The following VTI1A variants were observed in gnomAD, a reference collection of about 807,000 sequenced individuals.
The protein encoded by VTI1A is vesicle transport through interaction with t-SNAREs homolog 1A.
A neutral mutation model predicts 34.9 loss-of-function variants in VTI1A; 22 were observed. The observed-to-expected ratio is 0.63, with a 90% CI of 0.45 to 0.90. The LOEUF is 0.90. Among genes scored for constraint, VTI1A ranks in the 40% least tolerant of loss-of-function variants. The pLI is 0.00. For missense variants in VTI1A, 268 were observed against 275.6 expected (o/e 0.97, Z 0.20); for synonymous variants, 87 against 97.3 (o/e 0.89, Z 0.62).
intron 5 of VTI1A, among the ~76,000 whole-genome samples, chr10:112,546,745 T>C (rs1851146335): frequency 6.6e-6 from 1 of 152,060 alleles, no homozygotes; most frequent in Admixed American, 6.5e-5. Context: ...AATGCAAAAA[T>C]AGACTCTCTG....
rs555356843 is a variant in VTI1A at position 112,647,381 on chromosome 10, G to T, written c.428-20837G>T. Among the ~76,000 whole-genome samples, 3 of 152,118 alleles carry T rather than the reference G, an allele frequency of 2.0e-5. No individual in the cohort carries two copies. The South Asian group carries it at 6.2e-4, about 31-fold the overall frequency. On this transcript the variant is annotated intron_variant, in intron 5 of 7. Coordinates refer to ENST00000393077, the MANE Select transcript of VTI1A (RefSeq NM_145206.4). ...AATCCATAGATATAATCAGAGTCAG[G>T]CTCTGCTTATAAAATCATCAACACA...
At chr10:112,561,177 C>G (rs935427898) in intron 5 of VTI1A, among the ~76,000 whole-genome samples, 3 of 152,188 alleles carry the variant, frequency 2.0e-5, no homozygotes, top group Non-Finnish European at 4.4e-5. Context: ...AGTGTATACT[C>G]ATTAATAAGC....
At chr10:112,502,851 C>A (rs548129050) in intron 3 of VTI1A, among the ~76,000 whole-genome samples, 1 of 152,144 alleles carries the variant, frequency 6.6e-6, no homozygotes. Context: ...TTTCTTTTAT[C>A]ATAATTAACT....
intron 3 of VTI1A, among the ~76,000 whole-genome samples, chr10:112,519,980 G>T (rs1396317089): frequency 6.6e-6 from 1 of 151,956 alleles, no homozygotes; most frequent in East Asian, 1.9e-4. Context: ...ATACTTTGTT[G>T]CAGTAGTTTA....
At chr10:112,561,974 C>T (rs1851738614) in intron 5 of VTI1A, among the ~76,000 whole-genome samples, 1 of 152,146 alleles carries the variant, frequency 6.6e-6, no homozygotes, top group African/African-American at 2.4e-5. Context: ...CAGAATTTAC[C>T]AATTCCACCT....
At chr10:112,679,180 GT>G (rs1848131070) in intron 7 of VTI1A, among the ~76,000 whole-genome samples, 1 of 152,058 alleles carries the variant, frequency 6.6e-6, no homozygotes, top group Non-Finnish European at 1.5e-5. Flanking sequence ...AAGCAGTTTT[GT>G]CTGTTGTAAA....
chr10:112,464,758 A>G (rs1181927082), intron 3 of VTI1A, 101 bp downstream of exon 3: 3 of 967,346 alleles, frequency 3.1e-6, no homozygotes, highest in Admixed American at 4.4e-5. Context: ...GGGCTCATGT[A>G]GAAGACAAGT....
At chr10:112,654,676 G>A (rs1187269864) in intron 5 of VTI1A, among the ~76,000 whole-genome samples, 3 of 151,998 alleles carry the variant, frequency 2.0e-5, no homozygotes, top group Non-Finnish European at 2.9e-5. Flanking sequence ...TGTATTTTTA[G>A]TAGAGACGGG....
At chr10:112,824,741 T>G in the VTI1A span, 1 of 152,284 alleles carries the variant, frequency 6.6e-6, no homozygotes, top group Admixed American at 6.5e-5. Flanking sequence ...GCCAGTGGCC[T>G]GATGTGTGGC....
intron 5 of VTI1A, among the ~76,000 whole-genome samples, chr10:112,587,939 T>C (rs558421032): frequency 1.3e-5 from 2 of 152,178 alleles, no homozygotes; most frequent in South Asian, 4.1e-4. Context: ...CCTTAACTTA[T>C]GCTTTGTTGG....
intron 3 of VTI1A, among the ~76,000 whole-genome samples, chr10:112,496,485 C>T (rs537657480): frequency 1.3e-5 from 2 of 152,078 alleles, no homozygotes; most frequent in Non-Finnish European, 2.9e-5. Context: ...ACAGGAGAAT[C>T]GCTTGAACCT....
chr10:112,462,745 C>T (rs141167593), intron 2 of VTI1A, among the ~76,000 whole-genome samples: 121 of 152,192 alleles, frequency 8.0e-4, no homozygotes, highest in Admixed American at 2.0e-3. Context: ...GTTATTCAGT[C>T]GCTAACACTG....
intron 4 of VTI1A, among the ~76,000 whole-genome samples, chr10:112,531,099 A>G (rs1278840698): frequency 6.9e-6 from 1 of 145,156 alleles, no homozygotes; most frequent in African/African-American, 2.7e-5. Context: ...ACACACACAC[A>G]CACACGTGCG....
intron 7 of VTI1A, among the ~76,000 whole-genome samples, chr10:112,806,194 C>T (rs546667491): frequency 6.6e-6 from 1 of 152,172 alleles, no homozygotes; most frequent in Non-Finnish European, 1.5e-5. Context: ...ACTGACTACA[C>T]CTAAATTGAT....
chr10:112,794,578 T>C (rs557775195), intron 7 of VTI1A, among the ~76,000 whole-genome samples: 130 of 151,998 alleles, frequency 8.6e-4, no homozygotes, highest in African/African-American at 2.8e-3. Context: ...AATAAAATAA[T>C]AAATAAAAAA....
intron 5 of VTI1A, among the ~76,000 whole-genome samples, chr10:112,644,115 A>G (rs576373034): frequency 1.1e-4 from 17 of 152,344 alleles, no homozygotes; most frequent in Admixed American, 5.9e-4. Flanking sequence ...CCCTCTCTGC[A>G]AAGTGCACCT....
rs57890344 is a variant in VTI1A, at chr10:112,761,036, A to G, written c.561-54254A>G. ...CTTTATTTTAGTGATAATTGAACCA[A>G]TTATATACGTGAGCATTTAACTTTT... On this transcript the variant is annotated intron_variant, in intron 7 of 7. Transcript: ENST00000393077. 4.2e-3 allele frequency among the ~76,000 whole-genome samples: 638 copies of G among 152,330 alleles called. 4 individuals are homozygous for G. The highest frequency in any genetic ancestry group is 0.015 in the African/African-American group (608 of 41,570).
At chr10:112,793,662 A>T (rs1276918507) in intron 7 of VTI1A, among the ~76,000 whole-genome samples, 1 of 152,190 alleles carries the variant, frequency 6.6e-6, no homozygotes, top group Non-Finnish European at 1.5e-5. Context: ...ACTTAAAAAT[A>T]GCTTCCTTGG....
intron 7 of VTI1A, among the ~76,000 whole-genome samples, chr10:112,808,915 A>G (rs1853189953): frequency 6.6e-6 from 1 of 152,188 alleles, no homozygotes; most frequent in Non-Finnish European, 1.5e-5. Flanking sequence ...AGTCAATCTC[A>G]GTAAAGACAG....
Sources: gnomAD v4.1 joint callset for allele counts (sites outside exome capture counted in the v4.1 genomes callset) on GRCh38, gnomAD v4.1.1 for gene constraint, MANE v1.5 for transcripts, NCBI Gene and HGNC (gene_info 2026-07-23, HGNC 2026-07-21) for gene names.